The following ZNF600 variants were observed in gnomAD, a reference collection of about 807,000 sequenced individuals.
ZNF600 encodes the protein zinc finger protein KR-ZNF1.
ZNF600 carries 4 observed loss-of-function variants against 7.3 expected under a neutral mutation model. The observed-to-expected ratio is 0.55, with a 90% CI of 0.27 to 1.25. The LOEUF is 1.25. ZNF600 is among the 50% of genes most tolerant of loss of function. The pLI, the probability that ZNF600 is intolerant of heterozygous loss-of-function variation, is 0.12. For missense variants in ZNF600, 911 were observed against 922.1 expected, an observed-to-expected ratio of 0.99 and a Z score of 0.16; for synonymous variants, 290 against 308.9, an observed-to-expected ratio of 0.94 and a Z score of 0.64.
chr19:52,816,557 G>C, the ZNF600 span, among the ~76,000 whole-genome samples: 1 of 145,064 alleles, frequency 6.9e-6, no homozygotes, highest in Non-Finnish European at 1.5e-5. Flanking sequence ...CCAGCTACTT[G>C]GGAGGCTGAG....
the ZNF600 span, among the ~76,000 whole-genome samples, chr19:52,830,575 T>C: frequency 6.6e-6 from 1 of 152,088 alleles, no homozygotes; most frequent in East Asian, 1.9e-4. Flanking sequence ...CTGCTGACAG[T>C]GGTTCTGAAG....
the ZNF600 span, among the ~76,000 whole-genome samples, chr19:52,819,312 G>A: frequency 5.6e-4 from 80 of 143,556 alleles, 8 homozygotes; most frequent in African/African-American, 2.0e-3. Flanking sequence ...TGCTTTAGAT[G>A]TAGCTGTGAT....
chr19:52,769,179 C>T (rs1470305390), intron 3 of ZNF600, among the ~76,000 whole-genome samples: 7 of 152,004 alleles, frequency 4.6e-5, no homozygotes, highest in East Asian at 2.0e-4. Flanking sequence ...CTCCCTTTCC[C>T]CGGGGGAGTT....
exon 4 of ZNF600, chr19:52,766,593 C>A (rs780211651): frequency 1.6e-5 from 26 of 1,614,036 alleles, no homozygotes; most frequent in Middle Eastern, 3.3e-4. Context: ...ACAGACCTTA[C>A]ATTTGTAAGA....
chr19:52,807,840 A>G, the ZNF600 span: 1 of 1,141,796 alleles, frequency 8.8e-7, no homozygotes, highest in African/African-American at 1.6e-5. Flanking sequence ...AGAATGCAGA[A>G]CCTCTAAACA....
intron 3 of ZNF600, among the ~76,000 whole-genome samples, chr19:52,769,412 C>T (rs191052282): frequency 8.5e-5 from 13 of 152,232 alleles, no homozygotes; most frequent in African/African-American, 1.7e-4. Context: ...GAAATAATGG[C>T]GCAAGCTATC....
At chr19:52,768,981 G>A (rs2062610743) in intron 3 of ZNF600, among the ~76,000 whole-genome samples, 1 of 152,184 alleles carries the variant, frequency 6.6e-6, no homozygotes, top group Admixed American at 6.5e-5. Flanking sequence ...AGGGGACACA[G>A]TGAGAAGTGA....
chr19:52,772,864 G>A (rs910862233), intron 3 of ZNF600, among the ~76,000 whole-genome samples: 1 of 130,290 alleles, frequency 7.7e-6, no homozygotes, highest in Non-Finnish European at 1.5e-5. Flanking sequence ...GGGGATACAA[G>A]GACTGAGCTG....
Position 52,767,212 on chromosome 19 carries a change from T to C in ZNF600, c.751A>G (p.Ile251Val). Residue 251 changes from isoleucine to valine, a missense_variant, in exon 4 of 4, where the codon ATA becomes GTA. Physicochemically the swap from Ile to Val is conservative, Grantham distance 29 (BLOSUM62 3). Coordinates refer to ENST00000648973, the Ensembl canonical transcript of ZNF600. ...TATTGTTTGTCTCCTAAATGGGGTA[T>C]CTGGTGTTTCCTTAAGAGTGAGCTA... 5 of 1,614,176 alleles carry C rather than the reference T, an allele frequency of 3.1e-6. No individual in the cohort carries two copies. The highest frequency in any genetic ancestry group is 4.2e-6 in the Non-Finnish European group (5 of 1,180,024).
intron 1 of ZNF600, among the ~76,000 whole-genome samples, chr19:52,783,473 T>A (rs1294047157): frequency 6.6e-6 from 1 of 152,284 alleles, no homozygotes; most frequent in East Asian, 1.9e-4. Flanking sequence ...GTCATTCTCC[T>A]GCCTCAGCCT....
At chr19:52,831,496 T>G in the ZNF600 span, among the ~76,000 whole-genome samples, 1 of 143,292 alleles carries the variant, frequency 7.0e-6, no homozygotes, top group African/African-American at 2.9e-5. Context: ...TTTATTTTTG[T>G]TTTTTTGTTT....
the ZNF600 span, chr19:52,800,665 G>A: frequency 3.2e-5 from 52 of 1,612,330 alleles, no homozygotes; most frequent in Admixed American, 3.5e-4. Context: ...TGTGATTTGC[G>A]ACTGAAAACT....
the ZNF600 span, among the ~76,000 whole-genome samples, chr19:52,829,502 G>A: frequency 3.3e-5 from 5 of 150,968 alleles, no homozygotes; most frequent in Admixed American, 3.3e-4. Flanking sequence ...AGCCTCCTGT[G>A]TAGCTGGGAT....
chr19:52,828,210 C>T, the ZNF600 span, among the ~76,000 whole-genome samples: 1 of 151,972 alleles, frequency 6.6e-6, no homozygotes, highest in Non-Finnish European at 1.5e-5. Flanking sequence ...CTCCACCATG[C>T]ATGGCTAATT....
chr19:52,765,405 C>G lies in ZNF600; in HGVS notation c.*182G>C, dbSNP rs577356138. 272 of 1,003,510 alleles carry G rather than the reference C, an allele frequency of 2.7e-4. 2 individuals carry two copies. Among genetic ancestry groups the G allele is most frequent in the South Asian group, 1.9e-3 (147 of 75,498 alleles). 62.2% of individuals were successfully genotyped at this position (1,003,510 alleles called of 1,614,324 possible). Reference sequence around the variant, plus strand: ...GGATGAAGCTTGACTGAAGACCTTGCCACAGTCATGACATTTGTAAGGTTT... The same window carrying G: ...GGATGAAGCTTGACTGAAGACCTTGGCACAGTCATGACATTTGTAAGGTTT... On this transcript the variant is annotated 3_prime_UTR_variant, in exon 4 of 4. Transcript: ENST00000648973.
At chr19:52,793,037 G>C in the ZNF600 span, among the ~76,000 whole-genome samples, 2 of 152,030 alleles carry the variant, frequency 1.3e-5, no homozygotes, top group Non-Finnish European at 2.9e-5. Context: ...CACCTGGCCC[G>C]GCCCAATCCT....
exon 4 of ZNF600, chr19:52,765,266 T>C (rs1197332860): frequency 6.7e-6 from 4 of 595,458 alleles, no homozygotes; most frequent in Non-Finnish European, 1.3e-5. Context: ...AAGATTTCTG[T>C]CCAGTAGGGA....
intron 1 of ZNF600, among the ~76,000 whole-genome samples, chr19:52,785,921 T>C (rs12974375): frequency 0.48 from 72,400 of 151,982 alleles, 18,293 homozygotes; most frequent in Non-Finnish European, 0.57. Context: ...TCCTGCTTTC[T>C]TAGTTTTTTT....
the ZNF600 span, among the ~76,000 whole-genome samples, chr19:52,794,833 G>A: frequency 1.3e-5 from 2 of 152,038 alleles, no homozygotes; most frequent in African/African-American, 4.8e-5. Flanking sequence ...AAGTATGGGT[G>A]ACAGAGTGAC....
Sources: gnomAD v4.1 joint callset for allele counts (sites outside exome capture counted in the v4.1 genomes callset) on GRCh38, gnomAD v4.1.1 for gene constraint, MANE v1.5 for transcripts, NCBI Gene and HGNC (gene_info 2026-07-23, HGNC 2026-07-21) for gene names.